Variants in BMP6 observed in about 807,000 individuals in gnomAD.
BMP6 encodes the protein VG-1-R.
In BMP6, 17 loss-of-function variants were observed where a neutral mutation model predicts 54.1. The ratio of observed to expected loss-of-function variants is 0.31; its 90% confidence interval spans 0.22 to 0.47. BMP6 has a LOEUF of 0.47. Ranked by LOEUF, BMP6 falls within the 20% of genes least tolerant of loss-of-function variation. BMP6 has a pLI of 1.00. For synonymous variants in BMP6, 328 were observed against 291.2 expected (o/e 1.13, Z -1.28); for missense variants, 720 against 690.4 (o/e 1.04, Z -0.48).
At chr6:7,876,354 C>T (rs575028154) in intron 4 of BMP6, among the ~76,000 whole-genome samples, 2 of 152,312 alleles carry the variant, frequency 1.3e-5, no homozygotes, top group African/African-American at 4.8e-5. Flanking sequence ...CCTCTTGGAA[C>T]TCTTTGGGCC....
chr6:7,803,601 C>G (rs973112534), intron 1 of BMP6, among the ~76,000 whole-genome samples: 2 of 152,172 alleles, frequency 1.3e-5, no homozygotes, highest in Non-Finnish European at 2.9e-5. Flanking sequence ...AACTCCCCAC[C>G]CTGCAAGGCC....
chr6:7,841,208 A>G (rs952118228), intron 1 of BMP6, among the ~76,000 whole-genome samples: 6 of 152,196 alleles, frequency 3.9e-5, no homozygotes, highest in African/African-American at 1.4e-4. Context: ...CTAGAATTCA[A>G]CACCAGCGTC....
intron 1 of BMP6, among the ~76,000 whole-genome samples, chr6:7,794,930 G>A (rs1758170500): frequency 6.6e-6 from 1 of 152,164 alleles, no homozygotes; most frequent in Admixed American, 6.5e-5. Context: ...TCTGAATCCT[G>A]GAAAGGCTCT....
intron 1 of BMP6, among the ~76,000 whole-genome samples, chr6:7,759,909 G>A (rs1423155185): frequency 6.6e-6 from 1 of 151,166 alleles, no homozygotes; most frequent in African/African-American, 2.4e-5. Flanking sequence ...TCACCACATT[G>A]GCCAGGCTAG....
chr6:7,804,231 G>A (rs1341173197), intron 1 of BMP6, among the ~76,000 whole-genome samples: 1 of 152,058 alleles, frequency 6.6e-6, no homozygotes, highest in South Asian at 2.1e-4. Flanking sequence ...ATCCCACACT[G>A]TAAATTGCAG....
chr6:7,847,493 G>T (rs952215276), intron 2 of BMP6, among the ~76,000 whole-genome samples: 5 of 152,184 alleles, frequency 3.3e-5, no homozygotes, highest in African/African-American at 1.2e-4. Flanking sequence ...TGTCTTGGCT[G>T]AAAACAATTC....
rs187830587 is a variant in BMP6 at position 7,822,647 on chromosome 6, C to T, written c.665-22493C>T. 5.1e-4 allele frequency among the ~76,000 whole-genome samples: 78 copies of T among 152,250 alleles called. 1 individual carries two copies. The East Asian group carries it at 0.013, about 25-fold the overall frequency. ...CTCCATCCTCTTCTTATGGTGCTATCGAAACCCAGATGCTCTCCTTTTTCT... is the reference window on the plus strand; with the variant it reads ...CTCCATCCTCTTCTTATGGTGCTATTGAAACCCAGATGCTCTCCTTTTTCT... On this transcript the variant is annotated intron_variant, in intron 1 of 6. Transcript: ENST00000283147.
Position 7,879,164 on chromosome 6 carries a change from A to G in BMP6, c.1281+14A>G, listed in dbSNP as rs778029814. The stretch of plus-strand genomic sequence containing the variant: ...CTGGGATGGCAGGTGAGTTCTCTGG[A>G]CACGGGGGATAAAGGTCCTTTCTCA... On this transcript the variant is annotated intron_variant, in intron 5 of 6. Transcript: ENST00000283147. 4.4e-6 allele frequency: 7 copies of G among 1,608,700 alleles called. No homozygotes were observed. The highest frequency in any genetic ancestry group is 5.1e-6 in the Non-Finnish European group (6 of 1,174,996).
At chr6:7,791,982 C>T (rs1758115366) in intron 1 of BMP6, among the ~76,000 whole-genome samples, 1 of 150,210 alleles carries the variant, frequency 6.7e-6, no homozygotes, top group African/African-American at 2.5e-5. Context: ...AGAAACAGGA[C>T]CAATTGGATG....
At chr6:7,849,506 C>T (rs1759112087) in intron 2 of BMP6, among the ~76,000 whole-genome samples, 1 of 152,222 alleles carries the variant, frequency 6.6e-6, no homozygotes. Context: ...CTTTCATAGT[C>T]ACCTATGGTA....
chr6:7,811,448 T>C (rs1758434689), intron 1 of BMP6, among the ~76,000 whole-genome samples: 1 of 152,152 alleles, frequency 6.6e-6, no homozygotes, highest in South Asian at 2.1e-4. Context: ...GCATGGTAGT[T>C]GCTATGTCCG....
intron 1 of BMP6, 44 bp downstream of exon 1, chr6:7,727,663 T>C (rs1170978944): frequency 6.8e-7 from 1 of 1,468,548 alleles, no homozygotes; most frequent in Non-Finnish European, 9.0e-7. Context: ...TTTCCCCCTT[T>C]TCAGTGTCCC....
Position 7,726,935 on chromosome 6 carries a change from G to A in BMP6, c.-21G>A, listed in dbSNP as rs542708147. On this transcript the variant is annotated 5_prime_UTR_variant, in exon 1 of 7. Transcript: ENST00000283147. ...GCTCCACGCCTCGCGGGATCCGCGGGGGCAGCCCGGCCGGGCGGGGATGCC... is the reference window on the plus strand; with the variant it reads ...GCTCCACGCCTCGCGGGATCCGCGGAGGCAGCCCGGCCGGGCGGGGATGCC... The A allele has an allele frequency of 7.2e-4, 812 of 1,132,568 alleles. 4 individuals are homozygous for A. In the African/African-American group the frequency reaches 0.012, roughly 17 times the overall value. 70.2% of individuals were successfully genotyped at this position (1,132,568 alleles called of 1,614,324 possible).
At chr6:7,857,148 G>T (rs191513518) in intron 2 of BMP6, among the ~76,000 whole-genome samples, 1 of 152,150 alleles carries the variant, frequency 6.6e-6, no homozygotes, top group Non-Finnish European at 1.5e-5. Context: ...GTGATGGGAG[G>T]GATATGCAGG....
intron 1 of BMP6, among the ~76,000 whole-genome samples, chr6:7,788,395 G>A (rs1758048210): frequency 6.6e-6 from 1 of 152,214 alleles, no homozygotes; most frequent in African/African-American, 2.4e-5. Flanking sequence ...AAGAAACACA[G>A]TGTATGCTAT....
At chr6:7,869,077 C>G (rs565847779) in intron 4 of BMP6, among the ~76,000 whole-genome samples, 154 of 152,376 alleles carry the variant, frequency 1.0e-3, no homozygotes, top group African/African-American at 1.9e-3. Flanking sequence ...GCGCACCCCC[C>G]CTGGGAGCCC....
intron 1 of BMP6, among the ~76,000 whole-genome samples, chr6:7,795,287 C>G (rs1758175886): frequency 6.6e-6 from 1 of 152,156 alleles, no homozygotes; most frequent in Admixed American, 6.5e-5. Context: ...AAGGAAGGAC[C>G]CTGGCCTGGT....
At chr6:7,750,623 G>C (rs1285541583) in intron 1 of BMP6, among the ~76,000 whole-genome samples, 1 of 152,090 alleles carries the variant, frequency 6.6e-6, no homozygotes, top group East Asian at 1.9e-4. Flanking sequence ...GGTGTATCTT[G>C]AGATTTTTCC....
At chr6:7,773,481 T>G (rs1239556083) in intron 1 of BMP6, among the ~76,000 whole-genome samples, 2 of 152,086 alleles carry the variant, frequency 1.3e-5, no homozygotes, top group East Asian at 3.9e-4. Context: ...ATAGACAAGA[T>G]CAGAAATAGG....
Sources: allele counts gnomAD v4.1 joint callset (sites outside exome capture counted in the v4.1 genomes callset), GRCh38; gene constraint gnomAD v4.1.1; transcripts MANE v1.5; gene names NCBI Gene and HGNC (gene_info 2026-07-23, HGNC 2026-07-21).